The following ATP11A variants were observed in gnomAD, a reference collection of about 807,000 sequenced individuals.
ATP11A encodes the protein phospholipid-transporting ATPase IH.
Under a neutral mutation model 154.4 loss-of-function variants are expected in ATP11A, and 81 were observed. The observed-to-expected ratio is 0.52, with a 90% CI of 0.44 to 0.63. The LOEUF (loss-of-function observed/expected upper bound fraction) is 0.63, where lower values mean the gene tolerates loss of function less well. ATP11A is among the 30% of genes least tolerant of loss of function. The probability of loss-of-function intolerance (pLI) is 0.00; values close to 1 mark genes in which losing one functional copy is unlikely to be tolerated. For missense variants in ATP11A, 1,316 were observed against 1,474.3 expected, an observed-to-expected ratio of 0.89 and a Z score of 1.76; for synonymous variants, 623 against 585.9, an observed-to-expected ratio of 1.06 and a Z score of -0.91.
At chr13:112,774,210 A>G (rs1242333552) in intron 1 of ATP11A, among the ~76,000 whole-genome samples, 1 of 152,196 alleles carries the variant, frequency 6.6e-6, no homozygotes, top group South Asian at 2.1e-4. Flanking sequence ...AGCAGATTTT[A>G]CTTGGGTCTG....
At chr13:112,829,933 ACTTG>A (rs1422197165) in intron 12 of ATP11A, among the ~76,000 whole-genome samples, 1 of 152,170 alleles carries the variant, frequency 6.6e-6, no homozygotes, top group Non-Finnish European at 1.5e-5. Flanking sequence ...ACTTTAATAA[ACTTG>A]CTTAATAGTA....
chr13:112,716,723 G>T (rs1159653016), intron 1 of ATP11A, among the ~76,000 whole-genome samples: 1 of 152,218 alleles, frequency 6.6e-6, no homozygotes, highest in Non-Finnish European at 1.5e-5. Context: ...CCAGGTCTCA[G>T]CCAGTGACGG....
chr13:112,800,518 C>T (rs557183755), intron 2 of ATP11A, among the ~76,000 whole-genome samples: 12 of 151,272 alleles, frequency 7.9e-5, no homozygotes, highest in South Asian at 4.2e-4. Flanking sequence ...TCTTCCAAAA[C>T]GGAAAGCACA....
chr13:112,856,314 A>T, intron 20 of ATP11A: 1 of 394,378 alleles, frequency 2.5e-6, no homozygotes, highest in Non-Finnish European at 4.6e-6. Flanking sequence ...TTCCAGATGC[A>T]GTGGCCAGGA....
chr13:112,841,158 C>T (rs1330995288), intron 16 of ATP11A, among the ~76,000 whole-genome samples: 1 of 150,370 alleles, frequency 6.7e-6, no homozygotes, highest in Non-Finnish European at 1.5e-5. Context: ...AGAGGGAGCT[C>T]TGTGTGTCGG....
In ATP11A at chr13:112,807,067, T is replaced by G. The variant is rs1190120653; in HGVS notation, c.333+774T>G. Among the ~76,000 whole-genome samples, 1 of 152,262 alleles carries G rather than the reference T, an allele frequency of 6.6e-6. No individual in the cohort carries two copies. Among genetic ancestry groups the G allele is most frequent in the Non-Finnish European group, 1.5e-5 (1 of 68,050 alleles). Reference sequence around the variant, plus strand: ...GGACATTTGGGGTGTTTCCACTCTTTGGCTGTTCTGAATAATGCTGCTGAG... The same window carrying G: ...GGACATTTGGGGTGTTTCCACTCTTGGGCTGTTCTGAATAATGCTGCTGAG... On this transcript the variant is annotated intron_variant, in intron 4 of 29. Coordinates refer to ENST00000375645, the MANE Select transcript of ATP11A (RefSeq NM_015205.3). This position sits in a 1 kb window ranked among gnomAD's most constrained non-coding sequence, Gnocchi z 4.5.
Position 112,886,971 on chromosome 13 carries a change from ATTG to A in ATP11A, c.*5108_*5110del, listed in dbSNP as rs1453932278. 2.0e-5 allele frequency: 3 copies of A among 152,268 alleles called. No homozygotes were observed. The highest frequency in any genetic ancestry group is 2.9e-5 in the Non-Finnish European group (2 of 68,044). The allele number at this position is 152,268 out of a possible 1,614,324, so 9.4% of individuals were successfully genotyped here. ...TCATTAATCAGCTTTGAAAAATTAAATTGTTAATTAAACCAATCTAACATTTCA... is the reference window on the plus strand; with the variant it reads ...TCATTAATCAGCTTTGAAAAATTAAATTAATTAAACCAATCTAACATTTCA... On this transcript the variant is annotated 3_prime_UTR_variant, in exon 30 of 30. Coordinates refer to ENST00000375645, the MANE Select transcript of ATP11A (RefSeq NM_015205.3).
intron 5 of ATP11A, 27 bp downstream of exon 5, chr13:112,810,753 T>C (rs2078470000): frequency 1.3e-6 from 2 of 1,593,850 alleles, no homozygotes; most frequent in East Asian, 2.2e-5. Flanking sequence ...ACATTTACGC[T>C]GGTGAAGTCC....
chr13:112,823,622 G>T (rs921609780), intron 9 of ATP11A, among the ~76,000 whole-genome samples: 2 of 152,212 alleles, frequency 1.3e-5, no homozygotes, highest in East Asian at 1.9e-4. Flanking sequence ...ACGGATTAAG[G>T]CCTCTAGTTT....
At chr13:112,817,475 G>T (rs1393667360) in intron 6 of ATP11A, among the ~76,000 whole-genome samples, 1 of 152,240 alleles carries the variant, frequency 6.6e-6, no homozygotes, top group African/African-American at 2.4e-5. Context: ...TTTCTAGGGG[G>T]TCGGAATCCC....
chr13:112,776,201 G>T (rs1202407895), intron 1 of ATP11A, among the ~76,000 whole-genome samples: 1 of 152,206 alleles, frequency 6.6e-6, no homozygotes, highest in African/African-American at 2.4e-5. Context: ...ACACCTTGGG[G>T]CTGCTGAGTC....
chr13:112,732,478 A>G (rs867235164), intron 1 of ATP11A, among the ~76,000 whole-genome samples: 4 of 151,158 alleles, frequency 2.6e-5, no homozygotes, highest in East Asian at 3.9e-4. Flanking sequence ...CTCCAGCTCC[A>G]TCTCTCTCCA....
At chr13:112,771,733 G>C (rs2077229899) in intron 1 of ATP11A, among the ~76,000 whole-genome samples, 1 of 152,202 alleles carries the variant, frequency 6.6e-6, no homozygotes, top group Non-Finnish European at 1.5e-5. Context: ...TCCCAGCCGC[G>C]GGCACACAGG....
intron 8 of ATP11A, among the ~76,000 whole-genome samples, chr13:112,822,132 A>G (rs2078813094): frequency 6.6e-6 from 1 of 152,268 alleles, no homozygotes. Context: ...ACAATGATAA[A>G]TGAAAAGCAA....
At chr13:112,718,383 A>G (rs1282162637) in intron 1 of ATP11A, among the ~76,000 whole-genome samples, 2 of 152,198 alleles carry the variant, frequency 1.3e-5, no homozygotes, top group South Asian at 2.1e-4. Flanking sequence ...GCCAAAGCCA[A>G]GTGTTTCCAG....
rs67335042 is a variant in ATP11A, at chr13:112,731,937, CGG to C, written c.39+41490_39+41491del. 6.6e-3 allele frequency among the ~76,000 whole-genome samples: 546 copies of C among 83,150 alleles called. 10 individuals carry two copies. Among genetic ancestry groups the C allele is most frequent in the African/African-American group, 0.021 (515 of 24,020 alleles). 54.5% of individuals were successfully genotyped at this position (83,150 alleles called of 152,430 possible). ...CTACTAGATGGTGGAGAAATGGGGGCGGGGGGGGGCAGGTGGCCCATGTTCCG... is the reference window on the plus strand; with the variant it reads ...CTACTAGATGGTGGAGAAATGGGGGCGGGGGGGCAGGTGGCCCATGTTCCG... On this transcript the variant is annotated intron_variant, in intron 1 of 29. Coordinates refer to ENST00000375645, the MANE Select transcript of ATP11A (RefSeq NM_015205.3).
chr13:112,715,798 C>T (rs549161574), intron 1 of ATP11A, among the ~76,000 whole-genome samples: 5 of 152,012 alleles, frequency 3.3e-5, no homozygotes, highest in South Asian at 2.1e-4. Flanking sequence ...TGATCATTCC[C>T]AAGTGGCTTG....
At position 112,785,924 on chromosome 13, in the gene ATP11A, A is replaced by G. The variant is rs1190700577; in HGVS notation, c.162+667A>G. 6.6e-6 allele frequency among the ~76,000 whole-genome samples: 1 copy of G among 152,034 alleles called. No individual in the cohort carries two copies. The highest frequency in any genetic ancestry group is 1.5e-5 in the Non-Finnish European group (1 of 67,994). On this transcript the variant is annotated intron_variant, in intron 2 of 29. Transcript: ENST00000375645. This position sits in a 1 kb window ranked among gnomAD's most constrained non-coding sequence, Gnocchi z 4.8. ...AACTGTGCTTTCCAGGTAATGCGGA[A>G]CGCACGTGCCTGCGTTCAGACTCCA... is the stretch of plus-strand genomic sequence containing the variant.
rs187515532 is a variant in ATP11A at position 112,759,902 on chromosome 13, T to C, written c.40-25233T>C. On this transcript the variant is annotated intron_variant, in intron 1 of 29. Transcript: ENST00000375645. ...ACAAGTTATGCATTTTTCATGTGAG[T>C]TGCTTTTCACTTAAAAAGTGCATGC... Among the ~76,000 whole-genome samples the C allele has an allele frequency of 7.2e-3, 1,101 of 152,164 alleles. 7 individuals carry two copies. The highest frequency in any genetic ancestry group is 0.013 in the Non-Finnish European group (872 of 68,004).
Sources: allele counts gnomAD v4.1 joint callset (sites outside exome capture counted in the v4.1 genomes callset), GRCh38; gene constraint gnomAD v4.1.1; non-coding constraint Gnocchi (gnomAD v3.1); transcripts MANE v1.5; gene names NCBI Gene and HGNC (gene_info 2026-07-23, HGNC 2026-07-21).